UIMC1: variants seen among roughly 807,000 people sequenced by gnomAD.
The protein encoded by UIMC1 is ubiquitin interaction motif containing 1.
UIMC1 carries 42 observed loss-of-function variants against 84.9 expected under a neutral mutation model. The observed-to-expected ratio is 0.49, with a 90% CI of 0.39 to 0.64. The LOEUF (loss-of-function observed/expected upper bound fraction) is 0.64. UIMC1 is among the 30% of genes least tolerant of loss of function. The pLI, the probability that UIMC1 is intolerant of heterozygous loss-of-function variation, is 0.00. For missense variants in UIMC1, 825 were observed against 847.6 expected, an observed-to-expected ratio of 0.97 and a Z score of 0.33; for synonymous variants, 281 against 293.0, an observed-to-expected ratio of 0.96 and a Z score of 0.42.
At chr5:176,941,745 C>A (rs1764466723) in intron 10 of UIMC1, among the ~76,000 whole-genome samples, 1 of 152,056 alleles carries the variant, frequency 6.6e-6, no homozygotes, top group South Asian at 2.1e-4. Context: ...AGTTTAAAAT[C>A]ATAAACAGGC....
intron 1 of UIMC1, among the ~76,000 whole-genome samples, chr5:176,996,655 C>T (rs894512425): frequency 3.3e-5 from 5 of 152,100 alleles, no homozygotes; most frequent in African/African-American, 1.2e-4. Flanking sequence ...GATCAACTCC[C>T]CTATTCAGTA....
chr5:176,913,045 C>G (rs1354641094), intron 10 of UIMC1, among the ~76,000 whole-genome samples: 1 of 152,226 alleles, frequency 6.6e-6, no homozygotes, highest in Admixed American at 6.5e-5. Context: ...CTGCCTCAAT[C>G]TGCATTTACT....
intron 8 of UIMC1, among the ~76,000 whole-genome samples, chr5:176,955,236 T>C (rs188706239): frequency 6.6e-4 from 101 of 152,336 alleles, no homozygotes; most frequent in African/African-American, 1.9e-3. Flanking sequence ...ATGTGCAACT[T>C]TGAATGAGCA....
intron 1 of UIMC1, among the ~76,000 whole-genome samples, chr5:177,020,897 T>G (rs1775783293): frequency 6.6e-6 from 1 of 152,210 alleles, no homozygotes; most frequent in Admixed American, 6.5e-5. Context: ...CTAGTAATAT[T>G]AAAAGCTTCA....
chr5:176,924,055 C>T (rs977982205), intron 10 of UIMC1, among the ~76,000 whole-genome samples: 2 of 151,816 alleles, frequency 1.3e-5, no homozygotes, highest in East Asian at 1.9e-4. Flanking sequence ...CGGTGGCTCA[C>T]GCGTGTAATC....
At chr5:176,953,977 T>C (rs559119782) in intron 8 of UIMC1, among the ~76,000 whole-genome samples, 37 of 152,216 alleles carry the variant, frequency 2.4e-4, no homozygotes, top group Non-Finnish European at 5.1e-4. Flanking sequence ...ACCCAGGAGT[T>C]TGGCTTCATG....
At chr5:176,910,889 G>A (rs907059218) in intron 11 of UIMC1, among the ~76,000 whole-genome samples, 20 of 152,074 alleles carry the variant, frequency 1.3e-4, no homozygotes, top group South Asian at 2.1e-4. Flanking sequence ...TCAGGAGTTC[G>A]AGACAGCCTG....
intron 10 of UIMC1, among the ~76,000 whole-genome samples, chr5:176,924,293 G>C (rs1285814013): frequency 3.3e-5 from 5 of 151,768 alleles, no homozygotes; most frequent in African/African-American, 4.9e-5. Flanking sequence ...ACTCCAGCCT[G>C]GGGGACAAGA....
At chr5:176,938,237 C>A (rs1417070581) in intron 10 of UIMC1, among the ~76,000 whole-genome samples, 5 of 121,546 alleles carry the variant, frequency 4.1e-5, no homozygotes, top group Non-Finnish European at 3.6e-5. Flanking sequence ...TTTCCTTCCA[C>A]AGTAAAAAAA....
chr5:176,995,579 C>T (rs1389297681), intron 1 of UIMC1, among the ~76,000 whole-genome samples: 3 of 147,924 alleles, frequency 2.0e-5, no homozygotes, highest in Non-Finnish European at 4.5e-5. Flanking sequence ...CACGGTGGCT[C>T]ACACCTGTAA....
At chr5:176,948,769 G>A (rs934944821) in intron 9 of UIMC1, among the ~76,000 whole-genome samples, 2 of 152,170 alleles carry the variant, frequency 1.3e-5, no homozygotes, top group South Asian at 4.1e-4. Flanking sequence ...GGGATTTAAA[G>A]CCATGTCTTC....
At chr5:176,979,118 T>C (rs1190489821) in intron 2 of UIMC1, among the ~76,000 whole-genome samples, 5 of 152,192 alleles carry the variant, frequency 3.3e-5, no homozygotes, top group Non-Finnish European at 7.3e-5. Flanking sequence ...GACACACCCA[T>C]TTATAAACAA....
chr5:176,985,115 A>G (rs1194331095), intron 1 of UIMC1, among the ~76,000 whole-genome samples: 2 of 152,186 alleles, frequency 1.3e-5, no homozygotes, highest in Non-Finnish European at 2.9e-5. Flanking sequence ...AATATAGAGG[A>G]ATTTTTTTTA....
chr5:176,912,172 A>C (rs1275986834), intron 10 of UIMC1, among the ~76,000 whole-genome samples: 1 of 152,240 alleles, frequency 6.6e-6, no homozygotes, highest in African/African-American at 2.4e-5. Flanking sequence ...GCATTTATCT[A>C]GTCCAGGGGT....
intron 2 of UIMC1, 129 bp downstream of exon 2, chr5:176,982,340 G>A: frequency 4.8e-6 from 5 of 1,050,130 alleles, no homozygotes; most frequent in Non-Finnish European, 6.9e-6. Flanking sequence ...TTAAAACAAA[G>A]CTGAGTAAAA....
At chr5:176,958,867 C>T (rs1360403413) in intron 6 of UIMC1, among the ~76,000 whole-genome samples, 3 of 152,198 alleles carry the variant, frequency 2.0e-5, no homozygotes, top group African/African-American at 7.2e-5. Flanking sequence ...AACATACATG[C>T]ACAGAAGATC....
chr5:176,991,509 G>A (rs551081562), intron 1 of UIMC1, among the ~76,000 whole-genome samples: 62 of 151,430 alleles, frequency 4.1e-4, no homozygotes, highest in African/African-American at 1.2e-3. Context: ...ACCTGAGGTC[G>A]GGAGCTCAAG....
At chr5:176,954,369 G>A (rs919520285) in intron 8 of UIMC1, among the ~76,000 whole-genome samples, 3 of 152,110 alleles carry the variant, frequency 2.0e-5, no homozygotes, top group Admixed American at 6.5e-5. Flanking sequence ...ACTCGGTAGT[G>A]TAGTCTCTTA....
intron 6 of UIMC1, among the ~76,000 whole-genome samples, chr5:176,965,547 C>T (rs1418663436): frequency 6.6e-6 from 1 of 152,096 alleles, no homozygotes; most frequent in Non-Finnish European, 1.5e-5. Flanking sequence ...GTCTCAAACT[C>T]CCAGGCTCAA....
Sources: gnomAD v4.1 joint callset for allele counts (sites outside exome capture counted in the v4.1 genomes callset) on GRCh38, gnomAD v4.1.1 for gene constraint, MANE v1.5 for transcripts, NCBI Gene and HGNC (gene_info 2026-07-23, HGNC 2026-07-21) for gene names.